The following ADGRL3 variants were observed in gnomAD, a reference collection of about 807,000 sequenced individuals.
ADGRL3 encodes the protein calcium-independent alpha-latrotoxin receptor 3.
ADGRL3 carries 62 observed loss-of-function variants against 153.5 expected under a neutral mutation model. The observed-to-expected ratio is 0.40, with a 90% confidence interval of 0.33 to 0.50. ADGRL3 has a LOEUF of 0.50. Ranked by LOEUF, ADGRL3 falls within the 20% of genes least tolerant of loss-of-function variation. The pLI is 0.47. For synonymous variants in ADGRL3, 710 were observed against 672.5 expected (o/e 1.06, Z -0.86); for missense variants, 1,641 against 1,859.4 (o/e 0.88, Z 2.16).
intron 15 of ADGRL3, among the ~76,000 whole-genome samples, chr4:61,939,629 C>G (rs1324225924): frequency 1.3e-5 from 2 of 152,116 alleles, no homozygotes; most frequent in Admixed American, 6.5e-5. Context: ...GCCACCACGC[C>G]TGGCTAATTT....
intron 6 of ADGRL3, among the ~76,000 whole-genome samples, chr4:61,697,242 A>G (rs1561080570): frequency 6.6e-6 from 1 of 152,162 alleles, no homozygotes; most frequent in African/African-American, 2.4e-5. Flanking sequence ...TATAGTAGTA[A>G]AGACAAATAT....
intron 9 of ADGRL3, among the ~76,000 whole-genome samples, chr4:61,856,571 TTCTC>T (rs1291106173): frequency 6.5e-5 from 9 of 137,922 alleles, no homozygotes; most frequent in African/African-American, 1.6e-4. Flanking sequence ...CTCTCTCTCT[TTCTC>T]TCTCTCTTTT....
chr4:61,876,302 G>A (rs1348038050), intron 9 of ADGRL3, among the ~76,000 whole-genome samples: 2 of 150,078 alleles, frequency 1.3e-5, no homozygotes, highest in African/African-American at 4.9e-5. Flanking sequence ...TTTTTTTTAA[G>A]GGAACAACAC....
chr4:61,438,832 C>T (rs2097489087), intron 2 of ADGRL3, among the ~76,000 whole-genome samples: 2 of 151,728 alleles, frequency 1.3e-5, no homozygotes, highest in Non-Finnish European at 1.5e-5. Flanking sequence ...CTCAGCTTCC[C>T]GAGTAGCTGA....
At chr4:61,208,159 G>T (rs939627651) in intron 1 of ADGRL3, among the ~76,000 whole-genome samples, 12 of 152,054 alleles carry the variant, frequency 7.9e-5, no homozygotes, top group Non-Finnish European at 1.8e-4. Flanking sequence ...GAAAATATCT[G>T]GATCTAGGCC....
In ADGRL3 at chr4:61,759,992, G is replaced by C. The variant is rs376851775; in HGVS notation, c.1399+26438G>C. Among the ~76,000 whole-genome samples, 4 of 152,290 alleles carry C rather than the reference G, an allele frequency of 2.6e-5. No homozygotes were observed. The South Asian group carries it at 8.3e-4, about 32-fold the overall frequency. On this transcript the variant is annotated intron_variant, in intron 8 of 26. Coordinates refer to ENST00000683033, the MANE Select transcript of ADGRL3 (RefSeq NM_001387552.1). ...CGGAGGCTGCAGAACATCGGATACTGGTGACCAGCAAATGTTGCTGCCTGA... is the reference window on the plus strand; with the variant it reads ...CGGAGGCTGCAGAACATCGGATACTCGTGACCAGCAAATGTTGCTGCCTGA...
At chr4:61,645,656 C>T (rs547723669) in intron 5 of ADGRL3, among the ~76,000 whole-genome samples, 181 of 152,322 alleles carry the variant, frequency 1.2e-3, no homozygotes, top group Middle Eastern at 3.4e-3. Context: ...GAGAGATCCA[C>T]TGTTAGTCTG....
At chr4:61,723,421 A>G (rs529320800) in intron 6 of ADGRL3, among the ~76,000 whole-genome samples, 60 of 152,104 alleles carry the variant, frequency 3.9e-4, no homozygotes, top group African/African-American at 1.4e-3. Context: ...AAGAAGAAAA[A>G]AGCTCCCCCA....
chr4:61,642,974 T>C (rs1210181857), intron 5 of ADGRL3, among the ~76,000 whole-genome samples: 1 of 152,222 alleles, frequency 6.6e-6, no homozygotes, highest in Non-Finnish European at 1.5e-5. Context: ...TGAGCAGTGC[T>C]TTATAGTTCT....
rs562825054 is a variant in ADGRL3, at chr4:61,299,982, A to C, written c.-239-83142A>C. ...TTGAAATCCAGTTTTCTTTTTATAGACAAGCCATAGCTGTATGTTGCAGAG... is the reference window on the plus strand; with the variant it reads ...TTGAAATCCAGTTTTCTTTTTATAGCCAAGCCATAGCTGTATGTTGCAGAG... On this transcript the variant is annotated intron_variant, in intron 1 of 26. Coordinates refer to ENST00000683033, the MANE Select transcript of ADGRL3 (RefSeq NM_001387552.1). Among the ~76,000 whole-genome samples the C allele has an allele frequency of 2.0e-4, 31 of 152,254 alleles. No homozygotes were observed. In the East Asian group the frequency reaches 5.6e-3, roughly 27 times the overall value.
chr4:61,396,714 T>C (rs1348858081), intron 2 of ADGRL3, among the ~76,000 whole-genome samples: 2 of 151,982 alleles, frequency 1.3e-5, no homozygotes, highest in Admixed American at 6.6e-5. Context: ...TTATTATTAA[T>C]GCATAAAGTA....
chr4:61,422,189 G>A (rs1465912842), intron 2 of ADGRL3, among the ~76,000 whole-genome samples: 3 of 152,154 alleles, frequency 2.0e-5, no homozygotes, highest in East Asian at 1.9e-4. Context: ...TCTGACTGGG[G>A]AGTCTTGAGA....
chr4:61,764,559 T>C (rs2096953383), intron 8 of ADGRL3, among the ~76,000 whole-genome samples: 2 of 151,782 alleles, frequency 1.3e-5, no homozygotes, highest in Non-Finnish European at 2.9e-5. Flanking sequence ...TACACTTCTT[T>C]TGTGGTGGAA....
chr4:61,678,720 T>C (rs1474198985), intron 6 of ADGRL3, among the ~76,000 whole-genome samples: 1 of 152,016 alleles, frequency 6.6e-6, no homozygotes, highest in African/African-American at 2.4e-5. Context: ...CTAATAATTT[T>C]ATTAAATAAG....
intron 3 of ADGRL3, among the ~76,000 whole-genome samples, chr4:61,504,283 C>T (rs1168218469): frequency 1.3e-5 from 2 of 152,198 alleles, no homozygotes; most frequent in Non-Finnish European, 2.9e-5. Context: ...GTGTGAAGCA[C>T]TGTACCCAGC....
chr4:62,065,728 C>A (rs547455177), intron 25 of ADGRL3, among the ~76,000 whole-genome samples: 2 of 152,050 alleles, frequency 1.3e-5, no homozygotes, highest in African/African-American at 4.8e-5. Flanking sequence ...ACTGATTAAT[C>A]TGTATGTTTT....
chr4:61,802,691 T>TC (rs1384647553), intron 8 of ADGRL3, among the ~76,000 whole-genome samples: 1 of 151,984 alleles, frequency 6.6e-6, no homozygotes, highest in Non-Finnish European at 1.5e-5. Flanking sequence ...AGTAAGCCCT[T>TC]CCCCAAACAA....
At chr4:61,284,735 G>A (rs1490517315) in intron 1 of ADGRL3, among the ~76,000 whole-genome samples, 1 of 151,794 alleles carries the variant, frequency 6.6e-6, no homozygotes, top group East Asian at 1.9e-4. Flanking sequence ...TTTTAGGATT[G>A]GTTGTGTGCT....
chr4:61,666,012 T>C (rs1164064493), intron 5 of ADGRL3, among the ~76,000 whole-genome samples: 2 of 152,242 alleles, frequency 1.3e-5, no homozygotes, highest in African/African-American at 4.8e-5. Context: ...AAGATTATTT[T>C]ATGTAGTATA....
Sources: gnomAD v4.1 joint callset for allele counts (sites outside exome capture counted in the v4.1 genomes callset) on GRCh38, gnomAD v4.1.1 for gene constraint, MANE v1.5 for transcripts, NCBI Gene and HGNC (gene_info 2026-07-23, HGNC 2026-07-21) for gene names.